Variants in KCNAB1 observed in about 807,000 individuals in gnomAD.
KCNAB1 encodes voltage-gated potassium channel subunit beta-1.
A neutral mutation model predicts 64.6 loss-of-function variants in KCNAB1; 35 were observed. The observed-to-expected ratio is 0.54, with a 90% CI of 0.41 to 0.72. The LOEUF (loss-of-function observed/expected upper bound fraction) is 0.72, where lower values mean the gene tolerates loss of function less well. Ranked by LOEUF, KCNAB1 falls within the 30% of genes least tolerant of loss-of-function variation. The probability of loss-of-function intolerance (pLI) is 0.00; values close to 1 mark genes in which losing one functional copy is unlikely to be tolerated. For missense variants in KCNAB1, 401 were observed against 512.9 expected (o/e 0.78, Z 2.11); for synonymous variants, 177 against 183.8 (o/e 0.96, Z 0.30).
chr3:156,228,893 G>C (rs1435409024), intron 1 of KCNAB1, among the ~76,000 whole-genome samples: 3 of 152,206 alleles, frequency 2.0e-5, no homozygotes, highest in African/African-American at 7.2e-5. Flanking sequence ...TTCTGGGCAA[G>C]CCCGCCTCTG....
At chr3:156,357,154 T>TGC (rs10663018) in intron 1 of KCNAB1, among the ~76,000 whole-genome samples, 4,649 of 135,124 alleles carry the variant, frequency 0.034, 230 homozygotes, top group African/African-American at 0.15. Flanking sequence ...AACACACATG[T>TGC]GCGCGCACAC....
intron 1 of KCNAB1, among the ~76,000 whole-genome samples, chr3:156,349,536 T>C (rs1021863034): frequency 6.6e-6 from 1 of 152,178 alleles, no homozygotes; most frequent in African/African-American, 2.4e-5. Context: ...TTTCTACCAA[T>C]TCTCCAGCTT....
chr3:156,502,727 C>T (rs2108370110), intron 8 of KCNAB1, among the ~76,000 whole-genome samples: 1 of 152,204 alleles, frequency 6.6e-6, no homozygotes, highest in South Asian at 2.1e-4. Context: ...ATAAAAGTTG[C>T]TTTTTTACAG....
At chr3:156,300,429 C>T (rs1039873038) in intron 1 of KCNAB1, among the ~76,000 whole-genome samples, 5 of 152,128 alleles carry the variant, frequency 3.3e-5, no homozygotes, top group African/African-American at 1.2e-4. Context: ...TTTTCTGACT[C>T]CCAACTGTAA....
At chr3:156,479,001 T>C (rs566322317) in intron 8 of KCNAB1, among the ~76,000 whole-genome samples, 180 of 152,294 alleles carry the variant, frequency 1.2e-3, no homozygotes, top group African/African-American at 4.2e-3. Flanking sequence ...TATGGGAAGA[T>C]GTTCCTGACA....
intron 1 of KCNAB1, among the ~76,000 whole-genome samples, chr3:156,326,422 G>A (rs574359793): frequency 6.6e-6 from 1 of 152,202 alleles, no homozygotes; most frequent in East Asian, 1.9e-4. Context: ...AGGCCTGTAG[G>A]GAGGTGCCCA....
intron 1 of KCNAB1, among the ~76,000 whole-genome samples, chr3:156,242,278 CTTTAT>C (rs1426544648): frequency 1.3e-5 from 2 of 151,988 alleles, no homozygotes; most frequent in African/African-American, 4.8e-5. Context: ...TTCTGTTATT[CTTTAT>C]TTTAATTTTT....
chr3:156,367,610 T>A (rs1255612534), intron 1 of KCNAB1, among the ~76,000 whole-genome samples: 1 of 152,192 alleles, frequency 6.6e-6, no homozygotes, highest in Non-Finnish European at 1.5e-5. Context: ...ACTGTTTTAG[T>A]AGCTGGCAAT....
In KCNAB1 at chr3:156,252,047, G is replaced by C. The variant is rs535507785; in HGVS notation, c.275+131161G>C. The stretch of plus-strand genomic sequence containing the variant: ...CTAGTTTCCTCCTGCTGATGAGTTG[G>C]GCCTTTTTCCTGGACTGTGATGACC... On this transcript the variant is annotated intron_variant, in intron 1 of 13. Coordinates refer to ENST00000490337, the MANE Select transcript of KCNAB1 (RefSeq NM_172160.3). Among the ~76,000 whole-genome samples the C allele has an allele frequency of 1.2e-3, 187 of 152,294 alleles. 1 individual carries two copies. Among genetic ancestry groups the C allele is most frequent in the African/African-American group, 4.2e-3 (173 of 41,564 alleles).
chr3:156,521,892 A>C (rs1717959502), intron 11 of KCNAB1, among the ~76,000 whole-genome samples: 1 of 151,756 alleles, frequency 6.6e-6, no homozygotes, highest in African/African-American at 2.4e-5. Flanking sequence ...AGGTTAAAGC[A>C]ACAATGAGAT....
rs573524016 is a variant in KCNAB1 at position 156,297,761 on chromosome 3, T to C, written c.276-123855T>C. On this transcript the variant is annotated intron_variant, in intron 1 of 13. Coordinates refer to ENST00000490337, the MANE Select transcript of KCNAB1 (RefSeq NM_172160.3). ...AATTATGTAAAAGGCACTTAGCGCG[T>C]GTGTGTGTGTGTGCGCGTGTGCTCG... Among the ~76,000 whole-genome samples, 230 of 151,136 alleles carry C rather than the reference T, an allele frequency of 1.5e-3. 2 individuals are homozygous for C. Among genetic ancestry groups the C allele is most frequent in the Middle Eastern group, 6.8e-3 (2 of 292 alleles).
intron 1 of KCNAB1, chr3:156,176,176 T>G (rs1712358930): frequency 1.3e-6 from 1 of 774,186 alleles, no homozygotes. Flanking sequence ...GGACAAGAGA[T>G]AAGAACCTTC....
intron 1 of KCNAB1, among the ~76,000 whole-genome samples, chr3:156,149,095 C>T (rs1275667530): frequency 1.3e-5 from 2 of 152,058 alleles, no homozygotes; most frequent in African/African-American, 4.8e-5. Flanking sequence ...CTGAAACTTC[C>T]ACCAGCTTGC....
intron 1 of KCNAB1, among the ~76,000 whole-genome samples, chr3:156,193,090 C>G (rs998251547): frequency 2.0e-5 from 3 of 151,914 alleles, no homozygotes. Context: ...CCTTTTACCT[C>G]TTTTTCTGTC....
At chr3:156,301,775 G>T (rs762402458) in intron 1 of KCNAB1, among the ~76,000 whole-genome samples, 1 of 152,174 alleles carries the variant, frequency 6.6e-6, no homozygotes, top group Non-Finnish European at 1.5e-5. Flanking sequence ...GTGGACATTT[G>T]CCAGAGAACT....
At chr3:156,499,017 T>C (rs557918806) in intron 8 of KCNAB1, among the ~76,000 whole-genome samples, 2 of 152,350 alleles carry the variant, frequency 1.3e-5, no homozygotes, top group East Asian at 3.9e-4. Flanking sequence ...AACAGCTTTT[T>C]GGGATGCTCA....
intron 1 of KCNAB1, among the ~76,000 whole-genome samples, chr3:156,288,777 C>A (rs142320656): frequency 2.0e-5 from 3 of 152,362 alleles, no homozygotes; most frequent in African/African-American, 4.8e-5. Flanking sequence ...CATCTACACA[C>A]AAGAGGTGCA....
chr3:156,253,809 G>T (rs1717958260), intron 1 of KCNAB1, among the ~76,000 whole-genome samples: 2 of 152,204 alleles, frequency 1.3e-5, no homozygotes, highest in Admixed American at 1.3e-4. Context: ...CCAGGGAAGA[G>T]GACCAGGCGT....
intron 1 of KCNAB1, among the ~76,000 whole-genome samples, chr3:156,339,865 G>A (rs1723982677): frequency 6.6e-6 from 1 of 152,198 alleles, no homozygotes; most frequent in South Asian, 2.1e-4. Flanking sequence ...CCAGAAAGAG[G>A]TGGTACTGGA....
Sources: gnomAD v4.1 joint callset for allele counts (sites outside exome capture counted in the v4.1 genomes callset) on GRCh38, gnomAD v4.1.1 for gene constraint, MANE v1.5 for transcripts, NCBI Gene and HGNC (gene_info 2026-07-23, HGNC 2026-07-21) for gene names.